Variants in VARS2 observed in about 807,000 individuals in gnomAD.
VARS2 encodes valine--tRNA ligase, mitochondrial.
Under a neutral mutation model 154.1 loss-of-function variants are expected in VARS2, and 105 were observed. The ratio of observed to expected loss-of-function variants is 0.68; its 90% CI spans 0.58 to 0.80. The LOEUF is 0.80. Among genes scored for constraint, VARS2 ranks in the 30% least tolerant of loss-of-function variants. The probability of loss-of-function intolerance (pLI) is 0.00; values close to 1 mark genes in which losing one functional copy is unlikely to be tolerated. For missense variants in VARS2, 1,157 were observed against 1,361.4 expected (o/e 0.85, Z 2.36); for synonymous variants, 483 against 539.5 (o/e 0.90, Z 1.45).
rs755777038 is a variant in VARS2, at chr6:30,917,683, C to T, written c.874-12C>T. On this transcript the variant is annotated splice_polypyrimidine_tract_variant and intron_variant, in intron 9 of 29. Coordinates refer to ENST00000676266, the MANE Select transcript of VARS2 (RefSeq NM_020442.6). The surrounding 1 kb of genome is among the most constrained non-coding windows in gnomAD (Gnocchi z 4.4). ...AGGCTGCCCTCTGACCCAGCTTTCT[C>T]GGTGCCTCCAGGTGGAGAACCGGCC... The T allele has an allele frequency of 7.8e-6, 12 of 1,547,374 alleles. No homozygotes were observed. Among genetic ancestry groups the T allele is most frequent in the East Asian group, 4.9e-5 (2 of 41,216 alleles).
chr6:30,915,004 G>A lies in VARS2; in HGVS notation c.168G>A (p.Ala56=), dbSNP rs1264301. 6.2e-7 allele frequency: 1 copy of A among 1,613,226 alleles called. No homozygotes were observed. Among genetic ancestry groups the A allele is most frequent in the Admixed American group, 1.7e-5 (1 of 59,984 alleles). The change falls in exon 2 of 30, where the codon GCG becomes GCA. Residue 56 remains alanine, a synonymous_variant. Transcript: ENST00000676266. ...AKQKRLREKQ[A]TLEAEIAGES... ...AGAAGCGCCTGCGAGAGAAGCAGGC[G>A]ACTCTGGAGGCTGAGATAGCAGGGG...
chr6:30,916,453 C>CGTGTGTGT lies in VARS2; in HGVS notation c.671+221_671+228dup, dbSNP rs28383826. 87 of 398,548 alleles carry CGTGTGTGT rather than the reference C, an allele frequency of 2.2e-4. 1 individual carries two copies. The highest frequency in any genetic ancestry group is 2.1e-3 in the South Asian group (31 of 15,072). The allele number at this position is 398,548 out of a possible 1,614,324, so 24.7% of individuals were successfully genotyped here. On this transcript the variant is annotated intron_variant, in intron 7 of 29. Transcript: ENST00000676266. This position sits in a 1 kb window ranked among gnomAD's most constrained non-coding sequence, Gnocchi z 4.0. ...GATATTATATATGCATTAGAATATT[C>CGTGTGTGT]GTGTGTGTGTGTGTGTGTGTGTGTA...
chr6:30,923,243 CAG>C lies in VARS2; in HGVS notation c.2313+15_2313+16del, dbSNP rs1562460797. The C allele has an allele frequency of 1.1e-5, 17 of 1,613,054 alleles. 1 individual carries two copies. In the South Asian group the frequency reaches 1.3e-4, roughly 13 times the overall value. On this transcript the variant is annotated intron_variant, in intron 24 of 29. Coordinates refer to ENST00000676266, the MANE Select transcript of VARS2 (RefSeq NM_020442.6). Reference sequence around the variant, plus strand: ...AGCCTGCTGAGGAGGTAAGAGAAAACAGAGGTGCTTGGGAGTAGGGTAGTCAG... The same window carrying C: ...AGCCTGCTGAGGAGGTAAGAGAAAACAGGTGCTTGGGAGTAGGGTAGTCAG...
At position 30,916,662 on chromosome 6, in the gene VARS2, C is replaced by T; in HGVS notation, c.672-216C>T. 1 of 592,238 alleles carries T rather than the reference C, an allele frequency of 1.7e-6. No homozygotes were observed. The highest frequency in any genetic ancestry group is 3.0e-6 in the Non-Finnish European group (1 of 333,380). 36.7% of individuals were successfully genotyped at this position (592,238 alleles called of 1,614,324 possible). A position where few individuals can be genotyped will look rare whatever the true frequency, so the allele number is the denominator to read the frequency against. ...TTGGATTTCCCACAATATGGCTATC[C>T]CTCCTCTCTTCCTATAGAATCTTTT... On this transcript the variant is annotated intron_variant, in intron 7 of 29. Transcript: ENST00000676266. This position sits in a 1 kb window ranked among gnomAD's most constrained non-coding sequence, Gnocchi z 4.0.
rs762324080 is a variant in VARS2 at position 30,923,422 on chromosome 6, C to T, written c.2383C>T (p.Arg795Trp). The change falls in exon 25 of 30, where the codon CGG becomes TGG. Residue 795 changes from arginine to tryptophan, a missense_variant. Physicochemically the swap from Arg to Trp is moderately radical, Grantham distance 101. Transcript: ENST00000676266. ...RLALAAQECE[R>W]GFLTRELSLV... is the part of the protein sequence containing the mutation. ...TGCCCTGGCTGCCCAGGAGTGTGAG[C>T]GGGGCTTCCTCACCCGAGAGCTCTC... The T allele has an allele frequency of 9.9e-6, 16 of 1,612,198 alleles. No homozygotes were observed. The highest frequency in any genetic ancestry group is 2.2e-5 in the South Asian group (2 of 91,076).
Position 30,919,880 on chromosome 6 carries a change from T to A in VARS2, c.1165+32T>A. The A allele has an allele frequency of 6.6e-7, 1 of 1,526,320 alleles. No homozygotes were observed. The highest frequency in any genetic ancestry group is 1.3e-5 in the South Asian group (1 of 78,844). 94.5% of individuals were successfully genotyped at this position (1,526,320 alleles called of 1,614,324 possible). On this transcript the variant is annotated intron_variant, in intron 12 of 29. Transcript: ENST00000676266. This position sits in a 1 kb window ranked among gnomAD's most constrained non-coding sequence, Gnocchi z 4.5. Reference sequence around the variant, plus strand: ...GGAAGTCAGGGGAGGGAGAGAAAGTTGGGGGTCCTGGAGGAGAGGGGAGGG... The same window carrying A: ...GGAAGTCAGGGGAGGGAGAGAAAGTAGGGGGTCCTGGAGGAGAGGGGAGGG...
Position 30,925,949 on chromosome 6 carries a change from G to T in VARS2, c.3031G>T (p.Asp1011Tyr). 6.2e-7 allele frequency: 1 copy of T among 1,613,090 alleles called. No individual in the cohort carries two copies. Among genetic ancestry groups the T allele is most frequent in the Non-Finnish European group, 8.5e-7 (1 of 1,180,032 alleles). ...AAGGTACAAGTTGCAGAAGCAGCTT[G>T]ACAGCCTCACAGCCAGGACCCCATC... ...ARRYKLQKQL[D>Y]SLTARTPSEG... The change falls in exon 29 of 30, where the codon GAC (aspartate) becomes TAC (tyrosine). Residue 1011 changes from aspartate to tyrosine, a missense_variant. Asp to Tyr is a radical substitution (Grantham distance 160, BLOSUM62 -3). Transcript: ENST00000676266.
chr6:30,916,318 A>G lies in VARS2; in HGVS notation c.671+69A>G. ...TGGTTTCTTGCCTCCCACCACTATCACTCCTGACTTGTAATCCTTGGCTCT... is the reference window on the plus strand; with the variant it reads ...TGGTTTCTTGCCTCCCACCACTATCGCTCCTGACTTGTAATCCTTGGCTCT... On this transcript the variant is annotated intron_variant, in intron 7 of 29. Transcript: ENST00000676266. This position sits in a 1 kb window ranked among gnomAD's most constrained non-coding sequence, Gnocchi z 4.0. The G allele has an allele frequency of 1.5e-6, 2 of 1,305,320 alleles. No individual in the cohort carries two copies. The highest frequency in any genetic ancestry group is 3.0e-5 in the African/African-American group (2 of 67,486). 80.9% of individuals were successfully genotyped at this position (1,305,320 alleles called of 1,614,324 possible). A position where few individuals can be genotyped will look rare whatever the true frequency, so the allele number is the denominator to read the frequency against.
At chr6:30,925,824 G>C in intron 28 of VARS2, 56 bp from the exon 29 acceptor site, 1 of 1,611,258 alleles carries the variant, frequency 6.2e-7, no homozygotes, top group East Asian at 2.2e-5. Flanking sequence ...TCTAATGGAG[G>C]ATGGAGGCCT....
Position 30,919,105 on chromosome 6 carries a change from T to C in VARS2, c.1074+190T>C. On this transcript the variant is annotated intron_variant, in intron 11 of 29. Transcript: ENST00000676266. This position sits in a 1 kb window ranked among gnomAD's most constrained non-coding sequence, Gnocchi z 4.5. ...GCTCAGGGGTTGACAAACTGGCCCA[T>C]GGTCCTAATCCAGCTTGCGGCCTTT... 3.4e-6 allele frequency: 2 copies of C among 591,948 alleles called. No individual in the cohort carries two copies. The highest frequency in any genetic ancestry group is 4.2e-5 in the South Asian group (2 of 47,354). 36.7% of individuals were successfully genotyped at this position (591,948 alleles called of 1,614,324 possible). A position where few individuals can be genotyped will look rare whatever the true frequency, so the allele number is the denominator to read the frequency against.
Position 30,914,972 on chromosome 6 carries a change from G to A in VARS2, c.136G>A (p.Ala46Thr). ...TCCCATCTCCCGGAGGAACCGTGAAGCCAAACAGAAGCGCCTGCGAGAGAA... is the reference window on the plus strand; with the variant it reads ...TCCCATCTCCCGGAGGAACCGTGAAACCAAACAGAAGCGCCTGCGAGAGAA... Reference protein sequence around the residue: ...GSPISRRNREAKQKRLREKQA... With the variant: ...GSPISRRNRETKQKRLREKQA... The change falls in exon 2 of 30, where the codon GCC becomes ACC. Residue 46 changes from alanine (A) to threonine (T), a missense_variant. Ala to Thr is a moderately conservative substitution (Grantham distance 58, BLOSUM62 0). Coordinates refer to ENST00000676266, the MANE Select transcript of VARS2 (RefSeq NM_020442.6). 1.2e-6 allele frequency: 2 copies of A among 1,613,148 alleles called. No homozygotes were observed. Among genetic ancestry groups the A allele is most frequent in the Non-Finnish European group, 1.7e-6 (2 of 1,180,036 alleles).
At position 30,918,834 on chromosome 6, in the gene VARS2, G is replaced by A. The variant is rs778388576; in HGVS notation, c.993G>A (p.Glu331=). ...TTAAATGTTTATCTTCAGATGCAGAGGTTGTGGTAGGAACCACAAGGCCAG... is the reference window on the plus strand; with the variant it reads ...TTAAATGTTTATCTTCAGATGCAGAAGTTGTGGTAGGAACCACAAGGCCAG... ...AFPVDGEPDA[E]VVVGTTRPET... The change falls in exon 11 of 30, where the codon GAG becomes GAA. Residue 331 remains glutamate (E), a synonymous_variant. Coordinates refer to ENST00000676266, the MANE Select transcript of VARS2 (RefSeq NM_020442.6). The A allele has an allele frequency of 1.9e-6, 3 of 1,612,986 alleles. No individual in the cohort carries two copies. Among genetic ancestry groups the A allele is most frequent in the Non-Finnish European group, 2.5e-6 (3 of 1,179,994 alleles).
In VARS2 at chr6:30,923,360, C is replaced by T. The variant is rs1004072472; in HGVS notation, c.2321C>T (p.Pro774Leu). The T allele has an allele frequency of 6.2e-7, 1 of 1,609,736 alleles. No individual in the cohort carries two copies. Among genetic ancestry groups the T allele is most frequent in the Non-Finnish European group, 8.5e-7 (1 of 1,177,794 alleles). ...TGCCCCCTCTGCCTGCAGCTGTCTC[C>T]CTCCTCCCCGATGGATGCCTGGATC... is the stretch of plus-strand genomic sequence containing the variant. ...FVPQPAEELSPSSPMDAWILS... is the reference protein window; with the variant it reads ...FVPQPAEELSLSSPMDAWILS... Residue 774 changes from proline (P) to leucine (L), a missense_variant, in exon 25 of 30, where the codon CCC becomes CTC. By Grantham distance (98) the Pro-to-Leu change is moderately conservative. Coordinates refer to ENST00000676266, the MANE Select transcript of VARS2 (RefSeq NM_020442.6).
At chr6:30,918,690 C>T in intron 10 of VARS2, 137 bp from the exon 11 acceptor site, 6 of 661,640 alleles carry the variant, frequency 9.1e-6, no homozygotes, top group South Asian at 5.7e-5. Context: ...CTACTTTTTT[C>T]TAGTCACTCC....
At position 30,919,862 on chromosome 6, in the gene VARS2, AG is replaced by A; in HGVS notation, c.1165+18del. On this transcript the variant is annotated intron_variant, in intron 12 of 29. Transcript: ENST00000676266. This position sits in a 1 kb window ranked among gnomAD's most constrained non-coding sequence, Gnocchi z 4.5. ...ATGTGGGCACGGGTGAGTGGAAGTCAGGGGAGGGAGAGAAAGTTGGGGGTCC... is the reference window on the plus strand; with the variant it reads ...ATGTGGGCACGGGTGAGTGGAAGTCAGGGAGGGAGAGAAAGTTGGGGGTCC... 6.5e-7 allele frequency: 1 copy of A among 1,544,836 alleles called. No individual in the cohort carries two copies. The highest frequency in any genetic ancestry group is 1.2e-5 in the South Asian group (1 of 82,126).
Position 30,925,641 on chromosome 6 carries a change from AC to A in VARS2, c.2888del (p.Pro963GlnfsTer37). The A allele has an allele frequency of 6.2e-7, 1 of 1,610,544 alleles. No individual in the cohort carries two copies. The highest frequency in any genetic ancestry group is 8.5e-7 in the Non-Finnish European group (1 of 1,179,658). ...LGYCGAVGLL[P>X]PGAAAPSGWA... ...GCTACTGTGGGGCTGTGGGCCTGTT[AC>A]CCCCAGGCGCAGCAGCTCCCTCCGG... On this transcript the variant is annotated frameshift_variant, in exon 28 of 30. Coordinates refer to ENST00000676266, the MANE Select transcript of VARS2 (RefSeq NM_020442.6). LOFTEE classifies it high-confidence loss of function.
At chr6:30,915,318 G>A in intron 3 of VARS2, 37 bp from the exon 4 acceptor site, 1 of 1,613,510 alleles carries the variant, frequency 6.2e-7, no homozygotes, top group Non-Finnish European at 8.5e-7. Flanking sequence ...CTGGGAACAA[G>A]TTCAGTGGTT....
rs35056976 is a variant in VARS2, at chr6:30,925,222, AC to A, written c.2674-51del. 306,719 of 1,432,984 alleles carry A rather than the reference AC, an allele frequency of 0.21. 41,617 individuals carry two copies. Among genetic ancestry groups the A allele is most frequent in the East Asian group, 0.57 (24,320 of 42,852 alleles). The allele number at this position is 1,432,984 out of a possible 1,614,324, so 88.8% of individuals were successfully genotyped here. A position where few individuals can be genotyped will look rare whatever the true frequency, so the allele number is the denominator to read the frequency against. On this transcript the variant is annotated intron_variant, in intron 26 of 29. Coordinates refer to ENST00000676266, the MANE Select transcript of VARS2 (RefSeq NM_020442.6). ...CGAGAAGAGAGCCAGCAGGGTTGGT[AC>A]TGAGTCTCCCAGGAGCCCCTTTGCC...
rs1443840809 is a variant in VARS2, at chr6:30,917,171, C to T, written c.820C>T (p.His274Tyr). 1.4e-5 allele frequency: 23 copies of T among 1,614,100 alleles called. No homozygotes were observed. The highest frequency in any genetic ancestry group is 1.7e-5 in the Non-Finnish European group (20 of 1,180,056). The change falls in exon 9 of 30, where the codon CAT becomes TAT. Residue 274 changes from histidine (H) to tyrosine (Y), a missense_variant. Physicochemically the swap from His to Tyr is moderately conservative, Grantham distance 83 (BLOSUM62 2). Coordinates refer to ENST00000676266, the MANE Select transcript of VARS2 (RefSeq NM_020442.6). The surrounding 1 kb of genome is among the most constrained non-coding windows in gnomAD (Gnocchi z 4.4). ...LYKAGLLYRN[H>Y]QLVNWSCALR... ...CAAGGCGGGGTTGCTGTACCGGAAC[C>T]ATCAGCTTGTCAACTGGTCATGTGC...
Sources: allele counts gnomAD v4.1 joint callset, GRCh38; gene constraint gnomAD v4.1.1; non-coding constraint Gnocchi (gnomAD v3.1); transcripts MANE v1.5; gene names NCBI Gene and HGNC (gene_info 2026-07-23, HGNC 2026-07-21).